ZFAND6: variants seen among roughly 807,000 people sequenced by gnomAD.
ZFAND6 encodes AN1-type zinc finger protein 6.
In ZFAND6, 12 loss-of-function variants were observed where a neutral mutation model predicts 24.5. The ratio of observed to expected loss-of-function variants is 0.49; its 90% CI spans 0.31 to 0.79. ZFAND6 has a LOEUF of 0.79. Ranked by LOEUF, ZFAND6 falls within the 30% of genes least tolerant of loss-of-function variation. ZFAND6 has a pLI of 0.04. For missense variants in ZFAND6, 207 were observed against 245.9 expected (o/e 0.84, Z 1.06); for synonymous variants, 92 against 81.5 (o/e 1.13, Z -0.69).
intron 2 of ZFAND6, among the ~76,000 whole-genome samples, chr15:80,101,519 G>A (rs1475255512): frequency 6.6e-6 from 1 of 152,098 alleles, no homozygotes; most frequent in Non-Finnish European, 1.5e-5. Context: ...AATCTGCTGT[G>A]TGCATTAGCC....
intron 1 of ZFAND6, among the ~76,000 whole-genome samples, chr15:80,089,225 G>A (rs1255382007): frequency 6.6e-6 from 1 of 150,802 alleles, no homozygotes; most frequent in Non-Finnish European, 1.5e-5. Flanking sequence ...TTGTGAGTAG[G>A]GGCCATATTC....
intron 1 of ZFAND6, among the ~76,000 whole-genome samples, chr15:80,092,019 G>A (rs931339438): frequency 2.0e-5 from 3 of 152,098 alleles, no homozygotes; most frequent in African/African-American, 4.8e-5. Context: ...TTTGCTCCCT[G>A]ATAATGAAGA....
At chr15:80,060,285 C>G (rs1196353733) in intron 1 of ZFAND6, 1 of 152,152 alleles carries the variant, frequency 6.6e-6, no homozygotes, top group Non-Finnish European at 1.5e-5. Context: ...CGGCGTTTTT[C>G]AGAAACCAGC....
Position 80,131,300 on chromosome 15 carries a change from A to T in ZFAND6, c.478+7A>T. On this transcript the variant is annotated splice_region_variant and intron_variant, in intron 6 of 6. Transcript: ENST00000261749. ...AAGAAAGTGGGACTTACTGGTAAGG[A>T]CCTAAATCAAATGTTTAAAATTAAA... is the stretch of plus-strand genomic sequence containing the variant. 1 of 1,607,646 alleles carries T rather than the reference A, an allele frequency of 6.2e-7. No individual in the cohort carries two copies. The highest frequency in any genetic ancestry group is 8.5e-7 in the Non-Finnish European group (1 of 1,174,826).
chr15:80,074,104 T>C (rs543870368), intron 1 of ZFAND6, among the ~76,000 whole-genome samples: 1 of 152,032 alleles, frequency 6.6e-6, no homozygotes, highest in South Asian at 2.1e-4. Flanking sequence ...GCCCCTTAAA[T>C]GTTCTGTTAA....
At chr15:80,095,053 G>A (rs781399014) in intron 1 of ZFAND6, among the ~76,000 whole-genome samples, 1 of 152,096 alleles carries the variant, frequency 6.6e-6, no homozygotes, top group Non-Finnish European at 1.5e-5. Context: ...GATTATAGGC[G>A]TGAGCCCAAT....
rs1482833666 is a variant in ZFAND6, at chr15:80,120,369, C to A, written c.25C>A (p.Gln9Lys). The change falls in exon 3 of 7, where the codon CAA becomes AAA. Residue 9 changes from glutamine to lysine, a missense_variant. Gln to Lys is a moderately conservative substitution (Grantham distance 53). Coordinates refer to ENST00000261749, the MANE Select transcript of ZFAND6 (RefSeq NM_019006.4). ...CATGGCTCAAGAAACTAATCACAGC[C>A]AAGTGCCTATGCTTTGTTCCACTGG... MAQETNHS[Q>K]VPMLCSTGCG... The A allele has an allele frequency of 6.3e-7, 1 of 1,588,224 alleles. No individual in the cohort carries two copies. Among genetic ancestry groups the A allele is most frequent in the South Asian group, 1.1e-5 (1 of 87,568 alleles).
chr15:80,125,181 G>A (rs911826854), intron 5 of ZFAND6, among the ~76,000 whole-genome samples: 2 of 152,170 alleles, frequency 1.3e-5, no homozygotes, highest in Non-Finnish European at 2.9e-5. Context: ...GTATTCTTAT[G>A]ATTAGACAGT....
Position 80,120,419 on chromosome 15 carries a change from T to C in ZFAND6, c.75T>C (p.Arg25=). 6.2e-7 allele frequency: 1 copy of C among 1,607,084 alleles called. No individual in the cohort carries two copies. Among genetic ancestry groups the C allele is most frequent in the Non-Finnish European group, 8.5e-7 (1 of 1,175,386 alleles). ...GCTGTGGATTTTATGGAAACCCTCGTACAAATGGCATGTGTTCAGTATGCT... is the reference window on the plus strand; with the variant it reads ...GCTGTGGATTTTATGGAAACCCTCGCACAAATGGCATGTGTTCAGTATGCT... ...STGCGFYGNP[R]TNGMCSVCYK... The change falls in exon 3 of 7, where the codon CGT becomes CGC. Residue 25 remains arginine, a synonymous_variant. Coordinates refer to ENST00000261749, the MANE Select transcript of ZFAND6 (RefSeq NM_019006.4).
chr15:80,132,468 G>A (rs2040648664), intron 6 of ZFAND6, among the ~76,000 whole-genome samples: 1 of 152,180 alleles, frequency 6.6e-6, no homozygotes, highest in African/African-American at 2.4e-5. Flanking sequence ...TAAAGATGCA[G>A]TATTAAGTGA....
At chr15:80,082,919 G>C (rs1302045331) in intron 1 of ZFAND6, among the ~76,000 whole-genome samples, 1 of 152,078 alleles carries the variant, frequency 6.6e-6, no homozygotes, top group Non-Finnish European at 1.5e-5. Context: ...CTCTGAGGTG[G>C]ATATGGGATA....
chr15:80,123,097 T>G, intron 5 of ZFAND6: 1 of 238,092 alleles, frequency 4.2e-6, no homozygotes, highest in Non-Finnish European at 8.2e-6. Flanking sequence ...TTTGGCCGTT[T>G]CAGTCTATAT....
intron 2 of ZFAND6, among the ~76,000 whole-genome samples, chr15:80,105,097 T>C (rs1488121808): frequency 1.3e-5 from 2 of 152,216 alleles, no homozygotes; most frequent in Non-Finnish European, 2.9e-5. Context: ...CATTTCCCAC[T>C]ATCCTGTAGT....
intron 1 of ZFAND6, among the ~76,000 whole-genome samples, chr15:80,088,289 G>A (rs760245769): frequency 8.5e-5 from 13 of 152,050 alleles, no homozygotes; most frequent in Non-Finnish European, 1.8e-4. Context: ...GACTTTGGCC[G>A]AGCACAGTGT....
intron 2 of ZFAND6, among the ~76,000 whole-genome samples, chr15:80,113,886 C>G (rs989390433): frequency 2.0e-5 from 3 of 151,948 alleles, no homozygotes; most frequent in Non-Finnish European, 1.5e-5. Context: ...AAGAGTGGTA[C>G]AAGCAGCTTC....
intron 1 of ZFAND6, among the ~76,000 whole-genome samples, chr15:80,092,191 A>G (rs1001061855): frequency 1.3e-5 from 2 of 149,236 alleles, no homozygotes; most frequent in East Asian, 2.0e-4. Flanking sequence ...GGTGGTTGGG[A>G]AAAAAAAAAT....
chr15:80,108,981 G>A (rs1210509475), intron 2 of ZFAND6, among the ~76,000 whole-genome samples: 1 of 152,106 alleles, frequency 6.6e-6, no homozygotes, highest in Non-Finnish European at 1.5e-5. Flanking sequence ...GCCTGTCTCG[G>A]CCTCCCAAAG....
At position 80,071,970 on chromosome 15, in the gene ZFAND6, C is replaced by T. The variant is rs78601278; in HGVS notation, c.-181+12161C>T. ...TCAACCTTTGATGTCACTGAAATTTCTACTCTGTTGTGATACTGAGAACAT... is the reference window on the plus strand; with the variant it reads ...TCAACCTTTGATGTCACTGAAATTTTTACTCTGTTGTGATACTGAGAACAT... On this transcript the variant is annotated intron_variant, in intron 1 of 6. Coordinates refer to ENST00000261749, the MANE Select transcript of ZFAND6 (RefSeq NM_019006.4). Among the ~76,000 whole-genome samples, 12 of 152,146 alleles carry T rather than the reference C, an allele frequency of 7.9e-5. No individual in the cohort carries two copies. In the East Asian group the frequency reaches 1.9e-3, roughly 24 times the overall value.
chr15:80,065,074 A>G (rs2036547784), intron 1 of ZFAND6, among the ~76,000 whole-genome samples: 1 of 146,366 alleles, frequency 6.8e-6, no homozygotes, highest in African/African-American at 2.5e-5. Context: ...AAATTAGGTT[A>G]ATACTTTCTT....
Sources: gnomAD v4.1 joint callset for allele counts (sites outside exome capture counted in the v4.1 genomes callset) on GRCh38, gnomAD v4.1.1 for gene constraint, MANE v1.5 for transcripts, NCBI Gene and HGNC (gene_info 2026-07-23, HGNC 2026-07-21) for gene names.